ST6GALNAC3: variants seen among roughly 807,000 people sequenced by gnomAD.
ST6GALNAC3 encodes ST6 N-acetylgalactosaminide alpha-2,6-sialyltransferase 3.
A neutral mutation model predicts 32.7 loss-of-function variants in ST6GALNAC3; 25 were observed. The observed-to-expected ratio is 0.76, with a 90% CI of 0.56 to 1.07. The LOEUF (loss-of-function observed/expected upper bound fraction) is 1.07. ST6GALNAC3 is among the 50% of genes least tolerant of loss of function. The probability of loss-of-function intolerance (pLI) is 0.00; values close to 1 mark genes in which losing one functional copy is unlikely to be tolerated. For synonymous variants in ST6GALNAC3, 129 were observed against 133.1 expected, an observed-to-expected ratio of 0.97 and a Z score of 0.21; for missense variants, 355 against 382.4, an observed-to-expected ratio of 0.93 and a Z score of 0.60.
intron 1 of ST6GALNAC3, among the ~76,000 whole-genome samples, chr1:76,202,978 G>A (rs556330055): frequency 1.7e-3 from 260 of 152,198 alleles, no homozygotes; most frequent in African/African-American, 5.9e-3. Flanking sequence ...TATAATTCAA[G>A]TTCATTTGTT....
intron 3 of ST6GALNAC3, among the ~76,000 whole-genome samples, chr1:76,510,457 A>G (rs77413690): frequency 0.02 from 3,070 of 152,222 alleles, 105 homozygotes; most frequent in African/African-American, 0.067. Flanking sequence ...AACATATTAT[A>G]TAGGAACAAT....
At chr1:76,227,673 TTGAC>T (rs2100626412) in intron 1 of ST6GALNAC3, among the ~76,000 whole-genome samples, 1 of 152,334 alleles carries the variant, frequency 6.6e-6, no homozygotes, top group Admixed American at 6.5e-5. Flanking sequence ...TACCCTAACA[TTGAC>T]TGTGCGAATT....
intron 3 of ST6GALNAC3, among the ~76,000 whole-genome samples, chr1:76,619,132 C>T (rs545792392): frequency 6.5e-4 from 99 of 152,150 alleles, no homozygotes; most frequent in Admixed American, 1.0e-3. Flanking sequence ...TATATAATAC[C>T]ATTCCTTCTC....
At chr1:76,240,691 C>A (rs547406581) in intron 1 of ST6GALNAC3, among the ~76,000 whole-genome samples, 1 of 152,304 alleles carries the variant, frequency 6.6e-6, no homozygotes, top group Admixed American at 6.5e-5. Context: ...GACTGTTGAG[C>A]CAATTGCCTC....
At chr1:76,478,865 C>T (rs2101648376) in intron 3 of ST6GALNAC3, among the ~76,000 whole-genome samples, 1 of 147,364 alleles carries the variant, frequency 6.8e-6, no homozygotes, top group South Asian at 2.1e-4. Flanking sequence ...TGGGTTCATG[C>T]CATTCTCCTG....
At chr1:76,264,900 CT>C (rs397864038) in intron 1 of ST6GALNAC3, among the ~76,000 whole-genome samples, 9,119 of 137,332 alleles carry the variant, frequency 0.066, 867 homozygotes, top group African/African-American at 0.22. Context: ...CTCTAGTGCT[CT>C]TTTTTTTTTT....
chr1:76,430,999 T>C (rs1292575368), intron 3 of ST6GALNAC3, among the ~76,000 whole-genome samples: 3 of 152,062 alleles, frequency 2.0e-5, no homozygotes, highest in Non-Finnish European at 4.4e-5. Flanking sequence ...CTCAAAGACC[T>C]TTTTGGGAAA....
At chr1:76,189,542 C>T (rs974190932) in intron 1 of ST6GALNAC3, among the ~76,000 whole-genome samples, 3 of 151,864 alleles carry the variant, frequency 2.0e-5, no homozygotes, top group African/African-American at 4.8e-5. Context: ...GAGACAAATA[C>T]GCCCTTTGAT....
chr1:76,459,108 G>A (rs1490177726), intron 3 of ST6GALNAC3, among the ~76,000 whole-genome samples: 1 of 152,064 alleles, frequency 6.6e-6, no homozygotes, highest in Non-Finnish European at 1.5e-5. Flanking sequence ...AGCAGTTTAT[G>A]TACCCCTGTT....
intron 1 of ST6GALNAC3, among the ~76,000 whole-genome samples, chr1:76,285,760 G>T (rs1279313070): frequency 6.6e-6 from 1 of 152,142 alleles, no homozygotes; most frequent in Non-Finnish European, 1.5e-5. Flanking sequence ...GATGCAGAGA[G>T]ATTGGCAGAG....
At chr1:76,272,864 G>C (rs550981761) in intron 1 of ST6GALNAC3, among the ~76,000 whole-genome samples, 1 of 152,258 alleles carries the variant, frequency 6.6e-6, no homozygotes, top group East Asian at 1.9e-4. Flanking sequence ...AACAAAGAAG[G>C]CCTATATAAA....
chr1:76,543,955 A>G (rs1440200775), intron 3 of ST6GALNAC3, among the ~76,000 whole-genome samples: 1 of 152,126 alleles, frequency 6.6e-6, no homozygotes, highest in Non-Finnish European at 1.5e-5. Flanking sequence ...TTTATTGAGC[A>G]CATACTATCT....
intron 1 of ST6GALNAC3, among the ~76,000 whole-genome samples, chr1:76,169,645 G>A (rs11162092): frequency 6.6e-6 from 1 of 151,874 alleles, no homozygotes; most frequent in African/African-American, 2.4e-5. Context: ...CAGACATTTT[G>A]TTCATTCATT....
At chr1:76,618,549 A>C (rs1382120291) in intron 3 of ST6GALNAC3, among the ~76,000 whole-genome samples, 2 of 152,234 alleles carry the variant, frequency 1.3e-5, no homozygotes, top group Non-Finnish European at 2.9e-5. Flanking sequence ...TTTTTGCTGC[A>C]TAACAAACAA....
chr1:76,559,664 A>T, intron 3 of ST6GALNAC3, among the ~76,000 whole-genome samples: 1 of 152,204 alleles, frequency 6.6e-6, no homozygotes, highest in South Asian at 2.1e-4. Flanking sequence ...ACAACTATGT[A>T]CACAGAATAA....
At chr1:76,588,189 T>A (rs1469923220) in intron 3 of ST6GALNAC3, among the ~76,000 whole-genome samples, 3 of 152,104 alleles carry the variant, frequency 2.0e-5, no homozygotes, top group Admixed American at 6.5e-5. Context: ...CCACAGGTAG[T>A]TTTTTTGTTT....
At chr1:76,323,612 T>TA (rs1647011234) in intron 2 of ST6GALNAC3, among the ~76,000 whole-genome samples, 1 of 152,146 alleles carries the variant, frequency 6.6e-6, no homozygotes, top group Non-Finnish European at 1.5e-5. Flanking sequence ...TCTGAAATTG[T>TA]AAAAAAGAAA....
intron 3 of ST6GALNAC3, among the ~76,000 whole-genome samples, chr1:76,527,204 A>G (rs1408570924): frequency 6.6e-6 from 1 of 152,086 alleles, no homozygotes; most frequent in Non-Finnish European, 1.5e-5. Flanking sequence ...AGAGAGGAGC[A>G]TATATTGCAC....
intron 2 of ST6GALNAC3, among the ~76,000 whole-genome samples, chr1:76,371,630 A>G (rs1356615930): frequency 1.3e-5 from 2 of 152,206 alleles, no homozygotes; most frequent in Non-Finnish European, 2.9e-5. Flanking sequence ...GGCAGTAGCG[A>G]GTCCGAGATT....
Sources: gnomAD v4.1 joint callset for allele counts (sites outside exome capture counted in the v4.1 genomes callset) on GRCh38, gnomAD v4.1.1 for gene constraint, MANE v1.5 for transcripts, NCBI Gene and HGNC (gene_info 2026-07-23, HGNC 2026-07-21) for gene names.